MTMR10: variants seen among roughly 807,000 people sequenced by gnomAD.
MTMR10 encodes myotubularin related protein 10.
MTMR10 carries 56 observed loss-of-function variants against 88.1 expected under a neutral mutation model. That is an observed-to-expected ratio of 0.64 (90% CI 0.51 to 0.79). The LOEUF (loss-of-function observed/expected upper bound fraction) is 0.79, where lower values mean the gene tolerates loss of function less well. Ranked by LOEUF, MTMR10 falls within the 30% of genes least tolerant of loss-of-function variation. The pLI is 0.00. For synonymous variants in MTMR10, 380 were observed against 340.9 expected, an observed-to-expected ratio of 1.11 and a Z score of -1.26; for missense variants, 883 against 924.7, an observed-to-expected ratio of 0.95 and a Z score of 0.58.
intron 2 of MTMR10, 123 bp downstream of exon 2, chr15:30,990,654 G>A: frequency 1.2e-6 from 1 of 804,308 alleles, no homozygotes; most frequent in Non-Finnish European, 2.0e-6. Flanking sequence ...TCAGTCACTA[G>A]ACTTTTAACT....
At chr15:30,935,744 C>T (rs57499412), downstream of MTMR10, among the ~76,000 whole-genome samples, 3,624 of 151,932 alleles carry the variant, frequency 0.024, 141 homozygotes, top group African/African-American at 0.083. Context: ...ATATTTTCTC[C>T]GTGCAATGAA....
Position 30,940,614 on chromosome 15 carries a change from T to G in MTMR10, c.*856A>C. On this transcript the variant is annotated 3_prime_UTR_variant, in exon 16 of 16. Transcript: ENST00000435680. ...GGGCGAGTTTTGGCATAGATGGCACTCTCCTGTCTACAGCATACACCTCTG... is the reference window on the plus strand; with the variant it reads ...GGGCGAGTTTTGGCATAGATGGCACGCTCCTGTCTACAGCATACACCTCTG... The G allele has an allele frequency of 2.0e-6, 2 of 985,402 alleles. No homozygotes were observed. Among genetic ancestry groups the G allele is most frequent in the Non-Finnish European group, 2.4e-6 (2 of 830,020 alleles). 61.0% of individuals were successfully genotyped at this position (985,402 alleles called of 1,614,324 possible).
In MTMR10 at chr15:30,939,554, GATT is replaced by G. The variant is rs1466410838; in HGVS notation, c.*1913_*1915del. The G allele has an allele frequency of 1.0e-6, 1 of 961,474 alleles. No individual in the cohort carries two copies. The highest frequency in any genetic ancestry group is 1.2e-6 in the Non-Finnish European group (1 of 808,712). 59.6% of individuals were successfully genotyped at this position (961,474 alleles called of 1,614,324 possible). A position where few individuals can be genotyped will look rare whatever the true frequency, so the allele number is the denominator to read the frequency against. Reference sequence around the variant, plus strand: ...GCAAAAATAAAAGTATTTTACATTTGATTATCATACAAAAATATGCATTTTTCT... The same window carrying G: ...GCAAAAATAAAAGTATTTTACATTTGATCATACAAAAATATGCATTTTTCT... On this transcript the variant is annotated 3_prime_UTR_variant, in exon 16 of 16. Coordinates refer to ENST00000435680, the MANE Select transcript of MTMR10 (RefSeq NM_017762.3).
At chr15:30,984,098 A>G (rs772044351) in intron 2 of MTMR10, among the ~76,000 whole-genome samples, 3 of 152,246 alleles carry the variant, frequency 2.0e-5, no homozygotes, top group African/African-American at 4.8e-5. Context: ...ATTGAAGCAA[A>G]TATCAATATT....
chr15:30,928,091 G>A, the MTMR10 span: 2 of 1,000,690 alleles, frequency 2.0e-6, no homozygotes, highest in Admixed American at 1.1e-4. Context: ...GGAGGTGGCT[G>A]CTGCCGGCCT....
At chr15:30,974,797 C>A in intron 4 of MTMR10, 134 bp downstream of exon 4, 1 of 554,334 alleles carries the variant, frequency 1.8e-6, no homozygotes, top group Non-Finnish European at 3.0e-6. Flanking sequence ...TTTATGTTCC[C>A]GGGACTCAAA....
chr15:30,940,036 A>C lies in MTMR10; in HGVS notation c.*1434T>G, dbSNP rs1172474059. On this transcript the variant is annotated 3_prime_UTR_variant, in exon 16 of 16. Transcript: ENST00000435680. ...AGCTATTCAGTACATATAAAGGTAA[A>C]ATACAGTTATCTTGAAAACACTTGT... The C allele has an allele frequency of 9.2e-6, 9 of 978,292 alleles. No homozygotes were observed. Among genetic ancestry groups the C allele is most frequent in the Non-Finnish European group, 1.1e-5 (9 of 823,548 alleles). The allele number at this position is 978,292 out of a possible 1,614,324, so 60.6% of individuals were successfully genotyped here.
intron 2 of MTMR10, among the ~76,000 whole-genome samples, chr15:30,978,245 T>C (rs557515281): frequency 3.3e-5 from 5 of 152,362 alleles, no homozygotes; most frequent in African/African-American, 7.2e-5. Flanking sequence ...TATATTTATA[T>C]ATTTTTAAAT....
At chr15:30,977,405 G>A (rs2030232867) in intron 2 of MTMR10, among the ~76,000 whole-genome samples, 1 of 152,182 alleles carries the variant, frequency 6.6e-6, no homozygotes, top group Non-Finnish European at 1.5e-5. Context: ...CAGCTTCACT[G>A]AATGTAAAAT....
intron 7 of MTMR10, among the ~76,000 whole-genome samples, chr15:30,959,555 A>G (rs1228127230): frequency 6.6e-6 from 1 of 152,022 alleles, no homozygotes; most frequent in Non-Finnish European, 1.5e-5. Context: ...GCACAGTCAG[A>G]CTCTAGGACA....
At chr15:30,933,935 T>A in the MTMR10 span, among the ~76,000 whole-genome samples, 2 of 152,106 alleles carry the variant, frequency 1.3e-5, no homozygotes, top group African/African-American at 2.4e-5. Flanking sequence ...TGATTTTTTT[T>A]ATTTTTTGTA....
intron 2 of MTMR10, among the ~76,000 whole-genome samples, chr15:30,986,268 G>A (rs956978252): frequency 6.6e-6 from 1 of 151,976 alleles, no homozygotes; most frequent in African/African-American, 2.4e-5. Flanking sequence ...AGTAAGCCGT[G>A]ATCACACCAC....
chr15:30,979,411 T>C (rs929007718), intron 2 of MTMR10, among the ~76,000 whole-genome samples: 1 of 150,002 alleles, frequency 6.7e-6, no homozygotes, highest in Non-Finnish European at 1.5e-5. Context: ...AAAAAAAAAA[T>C]TTAGCCAGGC....
At chr15:30,953,509 G>A in intron 11 of MTMR10, 53 bp downstream of exon 11, 7 of 1,360,856 alleles carry the variant, frequency 5.1e-6, no homozygotes, top group Non-Finnish European at 7.1e-6. Context: ...CAGTGAGTCT[G>A]TAGTTATCTC....
rs575133588 is a variant in MTMR10, at chr15:30,955,354, TC to T, written c.936-462del. 5.9e-5 allele frequency among the ~76,000 whole-genome samples: 9 copies of T among 152,222 alleles called. No homozygotes were observed. In the South Asian group the frequency reaches 1.7e-3, roughly 28 times the overall value. ...GGCACCATCTCGGCTCACTGCAACCTCCCCCTCCCGGGTTCAAGCGATTCTC... is the reference window on the plus strand; with the variant it reads ...GGCACCATCTCGGCTCACTGCAACCTCCCCTCCCGGGTTCAAGCGATTCTC... On this transcript the variant is annotated intron_variant, in intron 9 of 15. Transcript: ENST00000435680.
chr15:30,975,032 TTC>T (rs1339715187), intron 3 of MTMR10, 29 bp from the exon 4 acceptor site: 12 of 1,445,272 alleles, frequency 8.3e-6, no homozygotes, highest in Middle Eastern at 1.8e-4. Flanking sequence ...TTCATATTAA[TTC>T]TTTTCCCAAT....
At position 30,968,534 on chromosome 15, in the gene MTMR10, A is replaced by AACACACACACACACACACACACACACAC. The variant is rs61503155; in HGVS notation, c.475-552_475-525dup. On this transcript the variant is annotated intron_variant, in intron 5 of 15. Transcript: ENST00000435680. The stretch of plus-strand genomic sequence containing the variant: ...GCTCAAAGAGGTACATCAAAAAAAC[A>AACACACACACACACACACACACACACAC]ACACACACACACACACACACACACA... 2.1e-5 allele frequency among the ~76,000 whole-genome samples: 3 copies of AACACACACACACACACACACACACACAC among 143,074 alleles called. 1 individual carries two copies. The highest frequency in any genetic ancestry group is 8.0e-5 in the African/African-American group (3 of 37,380). The allele number at this position is 143,074 out of a possible 152,430, so 93.9% of individuals were successfully genotyped here. A position where few individuals can be genotyped will look rare whatever the true frequency, so the allele number is the denominator to read the frequency against.
At chr15:30,943,650 A>ACACAGGAGACCCCTCCTT in intron 14 of MTMR10, 1 of 985,462 alleles carries the variant, frequency 1.0e-6, no homozygotes, top group Non-Finnish European at 1.2e-6. Context: ...GAGACCATGT[A>ACACAGGAGACCCCTCCTT]CACAGGAGAC....
chr15:30,949,525 A>C (rs1341094389), intron 12 of MTMR10: 3 of 152,264 alleles, frequency 2.0e-5, no homozygotes, highest in Non-Finnish European at 4.4e-5. Flanking sequence ...AATTCTGTAC[A>C]CAACAATCTG....
Sources: gnomAD v4.1 joint callset for allele counts (sites outside exome capture counted in the v4.1 genomes callset) on GRCh38, gnomAD v4.1.1 for gene constraint, MANE v1.5 for transcripts, NCBI Gene and HGNC (gene_info 2026-07-23, HGNC 2026-07-21) for gene names.